The following GAS7 variants were observed in gnomAD, a reference collection of about 807,000 sequenced individuals.
The protein encoded by GAS7 is growth arrest-specific protein 7.
A neutral mutation model predicts 71.1 loss-of-function variants in GAS7; 28 were observed. The ratio of observed to expected loss-of-function variants is 0.39; its 90% CI spans 0.29 to 0.54. GAS7 has a LOEUF of 0.54. Ranked by LOEUF, GAS7 falls within the 20% of genes least tolerant of loss-of-function variation. The pLI is 0.62. For missense variants in GAS7, 436 were observed against 627.8 expected, an observed-to-expected ratio of 0.69 and a Z score of 3.27; for synonymous variants, 258 against 245.8, an observed-to-expected ratio of 1.05 and a Z score of -0.46.
intron 1 of GAS7, among the ~76,000 whole-genome samples, chr17:10,121,619 A>G (rs936366027): frequency 1.3e-5 from 2 of 152,158 alleles, no homozygotes; most frequent in African/African-American, 4.8e-5. Flanking sequence ...ATATTATGTA[A>G]ATGCTGTCTA....
At chr17:10,018,503 A>G (rs1183677451) in intron 2 of GAS7, among the ~76,000 whole-genome samples, 1 of 152,224 alleles carries the variant, frequency 6.6e-6, no homozygotes, top group Non-Finnish European at 1.5e-5. Flanking sequence ...TGAAATTTCA[A>G]GTCTCCGGTA....
chr17:10,057,516 G>A (rs879827765), intron 1 of GAS7, among the ~76,000 whole-genome samples: 15 of 151,018 alleles, frequency 9.9e-5, no homozygotes, highest in Admixed American at 3.9e-4. Flanking sequence ...CCCTCCGCCC[G>A]GCAGCCGCCC....
In GAS7 at chr17:10,018,937, T is replaced by C. The variant is rs567338937; in HGVS notation, c.304+840A>G. Among the ~76,000 whole-genome samples, 5 of 152,274 alleles carry C rather than the reference T, an allele frequency of 3.3e-5. No individual in the cohort carries two copies. In the East Asian group the frequency reaches 7.7e-4, roughly 23 times the overall value. ...CTTTCCTTGGTTTAAATCCTCTCAGTTCTCTCATGGCAATTTCTCTGGGGA... is the reference window on the plus strand; with the variant it reads ...CTTTCCTTGGTTTAAATCCTCTCAGCTCTCTCATGGCAATTTCTCTGGGGA... On this transcript the variant is annotated intron_variant, in intron 2 of 13. Transcript: ENST00000432992.
intron 1 of GAS7, 94 bp downstream of exon 1, chr17:10,198,114 G>A: frequency 3.1e-6 from 4 of 1,270,512 alleles, no homozygotes; most frequent in East Asian, 2.5e-5. Flanking sequence ...CCCTCCGACC[G>A]GGACGCTGCG....
intron 1 of GAS7, among the ~76,000 whole-genome samples, chr17:10,045,040 CA>C (rs5819261): frequency 0.22 from 18,397 of 81,932 alleles, 973 homozygotes; most frequent in Middle Eastern, 0.28. Flanking sequence ...GACTCCATCT[CA>C]AAAAAAAAAA....
At chr17:10,134,985 A>T (rs1278554085) in intron 1 of GAS7, among the ~76,000 whole-genome samples, 6 of 152,022 alleles carry the variant, frequency 3.9e-5, no homozygotes, top group Non-Finnish European at 5.9e-5. Flanking sequence ...GGTGCGTGCC[A>T]CCACGCCCGG....
chr17:10,102,125 C>G (rs75139837), intron 1 of GAS7, among the ~76,000 whole-genome samples: 4,036 of 139,810 alleles, frequency 0.029, 164 homozygotes, highest in African/African-American at 0.099. Flanking sequence ...GAAAACAAAC[C>G]AGATCTAAGC....
At chr17:10,005,005 A>ATC (rs1364955640) in intron 2 of GAS7, among the ~76,000 whole-genome samples, 15 of 147,284 alleles carry the variant, frequency 1.0e-4, no homozygotes, top group African/African-American at 2.9e-4. Context: ...GCAGGACTTC[A>ATC]TCTCTCTCTC....
intron 11 of GAS7, 103 bp downstream of exon 11, chr17:9,925,373 C>G (rs1160491355): frequency 8.3e-7 from 1 of 1,206,358 alleles, no homozygotes; most frequent in Non-Finnish European, 1.2e-6. Flanking sequence ...TCGCTGCAGT[C>G]TTGCAAAGGA....
chr17:9,949,930 C>T (rs1474491322), intron 5 of GAS7, among the ~76,000 whole-genome samples: 2 of 148,032 alleles, frequency 1.4e-5, no homozygotes, highest in Admixed American at 6.7e-5. Flanking sequence ...GGCACGATCT[C>T]GGCTCACTGC....
chr17:9,996,027 G>A (rs552739012), intron 2 of GAS7, among the ~76,000 whole-genome samples: 113 of 152,280 alleles, frequency 7.4e-4, no homozygotes, highest in South Asian at 1.5e-3. Flanking sequence ...CAAATGTGCC[G>A]AAAGAATACA....
At chr17:10,146,681 G>C (rs892722797) in intron 1 of GAS7, among the ~76,000 whole-genome samples, 1 of 152,064 alleles carries the variant, frequency 6.6e-6, no homozygotes, top group Non-Finnish European at 1.5e-5. Flanking sequence ...CATGCTCAAG[G>C]GTTAACAGCG....
intron 1 of GAS7, among the ~76,000 whole-genome samples, chr17:10,053,959 G>A (rs1471462354): frequency 6.6e-6 from 1 of 152,132 alleles, no homozygotes; most frequent in East Asian, 1.9e-4. Context: ...TTCTGGATCC[G>A]TAGGTTTGGG....
At chr17:10,070,929 A>AT (rs767763072) in intron 1 of GAS7, among the ~76,000 whole-genome samples, 5 of 151,626 alleles carry the variant, frequency 3.3e-5, no homozygotes, top group Non-Finnish European at 5.9e-5. Flanking sequence ...GTTTTTTGCC[A>AT]TTAAAAATGG....
At position 9,943,240 on chromosome 17, in the gene GAS7, C is replaced by T. The variant is rs764523629; in HGVS notation, c.616-4G>A. 6.5e-7 allele frequency: 1 copy of T among 1,542,798 alleles called. No individual in the cohort carries two copies. Among genetic ancestry groups the T allele is most frequent in the South Asian group, 1.1e-5 (1 of 89,728 alleles). ...CTTGGGGGTCCTTCTTATCAGCCTA[C>T]AAAGGAAGCAGAAGCACAAGAGTTT... On this transcript the variant is annotated splice_polypyrimidine_tract_variant and splice_region_variant and intron_variant, in intron 6 of 13. Transcript: ENST00000432992.
chr17:10,144,536 T>C (rs560050059), intron 1 of GAS7, among the ~76,000 whole-genome samples: 1 of 152,214 alleles, frequency 6.6e-6, no homozygotes, highest in African/African-American at 2.4e-5. Context: ...TCTGTGGATG[T>C]TAATTTCTTT....
intron 6 of GAS7, among the ~76,000 whole-genome samples, chr17:9,944,305 T>C (rs555408208): frequency 6.6e-6 from 1 of 152,252 alleles, no homozygotes; most frequent in South Asian, 2.1e-4. Context: ...GGTCAAACAC[T>C]TTGATACTTA....
At chr17:10,066,435 C>G (rs2073281730) in intron 1 of GAS7, among the ~76,000 whole-genome samples, 1 of 152,206 alleles carries the variant, frequency 6.6e-6, no homozygotes, top group Non-Finnish European at 1.5e-5. Context: ...CCGCCTCGGC[C>G]TTTCAAAGAG....
intron 1 of GAS7, among the ~76,000 whole-genome samples, chr17:10,052,997 C>T (rs1008837987): frequency 9.2e-5 from 14 of 152,188 alleles, no homozygotes; most frequent in African/African-American, 2.2e-4. Context: ...AATAAACACA[C>T]ATTGGCTACA....
Sources: allele counts gnomAD v4.1 joint callset (sites outside exome capture counted in the v4.1 genomes callset), GRCh38; gene constraint gnomAD v4.1.1; transcripts MANE v1.5; gene names NCBI Gene and HGNC (gene_info 2026-07-23, HGNC 2026-07-21).